Variants in AUTS2 observed in about 807,000 individuals in gnomAD.
AUTS2 encodes the protein activator of transcription and developmental regulator AUTS2.
A neutral mutation model predicts 112.4 loss-of-function variants in AUTS2; 17 were observed. The observed-to-expected ratio is 0.15, with a 90% CI of 0.10 to 0.23. AUTS2 has a LOEUF of 0.23. Among genes scored for constraint, AUTS2 ranks in the 10% least tolerant of loss-of-function variants. The pLI is 1.00. For synonymous variants in AUTS2, 751 were observed against 702.7 expected (o/e 1.07, Z -1.09); for missense variants, 1,510 against 1,701.6 (o/e 0.89, Z 1.98).
At chr7:70,402,903 T>G (rs578126764) in intron 4 of AUTS2, among the ~76,000 whole-genome samples, 1 of 152,338 alleles carries the variant, frequency 6.6e-6, no homozygotes, top group South Asian at 2.1e-4. Context: ...TGTACTCCCC[T>G]GGATGCACGC....
At chr7:70,437,545 A>C (rs1245198375) in intron 5 of AUTS2, 1 of 152,354 alleles carries the variant, frequency 6.6e-6, no homozygotes, top group African/African-American at 2.4e-5. Context: ...TTCTTTCCTT[A>C]AAAGGAAATG....
chr7:70,696,235 T>G (rs11768039), intron 5 of AUTS2, among the ~76,000 whole-genome samples: 15,788 of 152,154 alleles, frequency 0.1, 1,013 homozygotes, highest in East Asian at 0.28. Context: ...TGGCAAAGAA[T>G]CTCTCTTCTG....
intron 4 of AUTS2, among the ~76,000 whole-genome samples, chr7:70,318,525 A>G (rs527651186): frequency 5.3e-4 from 80 of 152,284 alleles, no homozygotes; most frequent in African/African-American, 1.5e-3. Flanking sequence ...AAGGAAAGGC[A>G]TGTTAAGCTG....
chr7:70,641,583 A>G (rs4717540), intron 5 of AUTS2, among the ~76,000 whole-genome samples: 76,647 of 151,918 alleles, frequency 0.5, 19,999 homozygotes, highest in East Asian at 0.85. Context: ...GGTCTTTCAT[A>G]AATCTGTGAG....
At chr7:70,000,746 A>G (rs1232748876) in intron 2 of AUTS2, among the ~76,000 whole-genome samples, 1 of 152,208 alleles carries the variant, frequency 6.6e-6, no homozygotes, top group Non-Finnish European at 1.5e-5. Flanking sequence ...CATCTGCCCC[A>G]TATCCAACCT....
At chr7:70,047,086 T>A (rs555690857) in intron 2 of AUTS2, among the ~76,000 whole-genome samples, 2 of 152,298 alleles carry the variant, frequency 1.3e-5, no homozygotes, top group East Asian at 3.9e-4. Context: ...GATATAAGTT[T>A]GTTATGGTGG....
At chr7:70,427,164 T>C (rs903046556) in intron 4 of AUTS2, among the ~76,000 whole-genome samples, 3 of 152,228 alleles carry the variant, frequency 2.0e-5, no homozygotes, top group Admixed American at 2.0e-4. Context: ...ATCTTCAAAG[T>C]CATTTGTAAT....
At chr7:70,115,893 A>G (rs1022989653) in intron 2 of AUTS2, among the ~76,000 whole-genome samples, 1 of 152,226 alleles carries the variant, frequency 6.6e-6, no homozygotes, top group Non-Finnish European at 1.5e-5. Flanking sequence ...TTTAAAAAAC[A>G]TCTTGACATC....
chr7:70,090,481 A>G (rs1034709523), intron 2 of AUTS2, among the ~76,000 whole-genome samples: 2 of 151,876 alleles, frequency 1.3e-5, no homozygotes, highest in Non-Finnish European at 2.9e-5. Flanking sequence ...CTTCTGCTTC[A>G]GCCTCCCGAC....
chr7:70,276,367 A>T (rs765610555), intron 4 of AUTS2, among the ~76,000 whole-genome samples: 32 of 151,690 alleles, frequency 2.1e-4, no homozygotes, highest in Non-Finnish European at 4.1e-4. Context: ...CTCTAAAGTA[A>T]ATTTTGTGAC....
chr7:69,991,531 A>G (rs1378167014), intron 2 of AUTS2, among the ~76,000 whole-genome samples: 1 of 152,168 alleles, frequency 6.6e-6, no homozygotes, highest in Non-Finnish European at 1.5e-5. Flanking sequence ...TTGGGTGTGA[A>G]CTTCCTTAAA....
intron 5 of AUTS2, among the ~76,000 whole-genome samples, chr7:70,648,277 T>G (rs1036248183): frequency 2.0e-5 from 3 of 152,084 alleles, no homozygotes; most frequent in African/African-American, 7.2e-5. Context: ...TTTCCTGCAT[T>G]CTGTGATGCC....
chr7:70,295,739 T>C (rs1180936628), intron 4 of AUTS2, among the ~76,000 whole-genome samples: 1 of 152,144 alleles, frequency 6.6e-6, no homozygotes, highest in African/African-American at 2.4e-5. Flanking sequence ...ATTGTACTTA[T>C]CTCAGGCATT....
intron 5 of AUTS2, among the ~76,000 whole-genome samples, chr7:70,450,741 A>C (rs149594957): frequency 3.9e-4 from 60 of 152,166 alleles, no homozygotes; most frequent in African/African-American, 1.4e-3. Context: ...AGGGGGTGAA[A>C]GTTGTCATAA....
chr7:69,779,456 T>C (rs1789048245), intron 1 of AUTS2, among the ~76,000 whole-genome samples: 1 of 151,786 alleles, frequency 6.6e-6, no homozygotes, highest in African/African-American at 2.4e-5. Context: ...AATAAAGGAG[T>C]ATAACTTAAA....
At chr7:69,648,310 T>C (rs1311452327) in intron 1 of AUTS2, among the ~76,000 whole-genome samples, 2 of 152,158 alleles carry the variant, frequency 1.3e-5, no homozygotes, top group East Asian at 3.8e-4. Flanking sequence ...CATGTACTCA[T>C]CACCCTGCTT....
At chr7:70,285,800 T>C (rs1271289966) in intron 4 of AUTS2, among the ~76,000 whole-genome samples, 2 of 152,362 alleles carry the variant, frequency 1.3e-5, no homozygotes, top group African/African-American at 2.4e-5. Context: ...GCCACTTCTG[T>C]ATATTAGGCA....
chr7:69,960,004 A>G (rs1584494962), intron 2 of AUTS2, among the ~76,000 whole-genome samples: 1 of 152,068 alleles, frequency 6.6e-6, no homozygotes, highest in East Asian at 1.9e-4. Flanking sequence ...CTGGATGAAG[A>G]AGGAATTGTT....
chr7:69,829,642 C>T lies in AUTS2; in HGVS notation c.310-69644C>T, dbSNP rs150249887. 7.5e-3 allele frequency among the ~76,000 whole-genome samples: 1,139 copies of T among 152,234 alleles called. 17 individuals are homozygous for T. The highest frequency in any genetic ancestry group is 0.026 in the African/African-American group (1,074 of 41,548). On this transcript the variant is annotated intron_variant, in intron 1 of 18. Transcript: ENST00000342771. Reference sequence around the variant, plus strand: ...AAAAAACATATGAAAAAAAGCCCAACATCACTGATCATTAGAGAAATGCAA... The same window carrying T: ...AAAAAACATATGAAAAAAAGCCCAATATCACTGATCATTAGAGAAATGCAA...
Sources: gnomAD v4.1 joint callset for allele counts (sites outside exome capture counted in the v4.1 genomes callset) on GRCh38, gnomAD v4.1.1 for gene constraint, MANE v1.5 for transcripts, NCBI Gene and HGNC (gene_info 2026-07-23, HGNC 2026-07-21) for gene names.